EXOC6B: variants seen among roughly 807,000 people sequenced by gnomAD.
The protein encoded by EXOC6B is exocyst complex component 6B.
EXOC6B carries 54 observed loss-of-function variants against 113.5 expected under a neutral mutation model. The observed-to-expected ratio is 0.48, with a 90% CI of 0.38 to 0.60. The LOEUF (loss-of-function observed/expected upper bound fraction) is 0.60, where lower values mean the gene tolerates loss of function less well. Ranked by LOEUF, EXOC6B falls within the 20% of genes least tolerant of loss-of-function variation. The pLI is 0.00. For synonymous variants in EXOC6B, 357 were observed against 339.0 expected (o/e 1.05, Z -0.58); for missense variants, 797 against 977.5 (o/e 0.82, Z 2.46).
chr2:72,791,533 T>C (rs1441552788), intron 1 of EXOC6B, among the ~76,000 whole-genome samples: 1 of 152,052 alleles, frequency 6.6e-6, no homozygotes, highest in African/African-American at 2.4e-5. Context: ...AGCAACAGAG[T>C]GAGACCCTGT....
At chr2:72,420,849 A>G (rs7420583) in intron 18 of EXOC6B, among the ~76,000 whole-genome samples, 32,128 of 152,084 alleles carry the variant, frequency 0.21, 6,430 homozygotes, top group African/African-American at 0.53. Context: ...TTACACTCCC[A>G]CCAACAACGT....
intron 18 of EXOC6B, among the ~76,000 whole-genome samples, chr2:72,445,286 T>C (rs1228646395): frequency 6.6e-6 from 1 of 152,214 alleles, no homozygotes; most frequent in Admixed American, 6.5e-5. Flanking sequence ...TCCATATTGC[T>C]ATCAGGCTTT....
At chr2:72,604,477 T>C (rs927088304) in intron 6 of EXOC6B, among the ~76,000 whole-genome samples, 1 of 152,250 alleles carries the variant, frequency 6.6e-6, no homozygotes, top group Non-Finnish European at 1.5e-5. Flanking sequence ...ATCTGGATTA[T>C]TTTATTTAAA....
At chr2:72,246,268 G>C (rs1257339760) in intron 20 of EXOC6B, among the ~76,000 whole-genome samples, 3 of 152,034 alleles carry the variant, frequency 2.0e-5, no homozygotes, top group South Asian at 2.1e-4. Flanking sequence ...GATAAAGCTA[G>C]GTCCCTATAA....
At chr2:72,414,971 A>G (rs1016451758) in intron 18 of EXOC6B, among the ~76,000 whole-genome samples, 2 of 152,140 alleles carry the variant, frequency 1.3e-5, no homozygotes, top group African/African-American at 4.8e-5. Context: ...GTCTCAAACT[A>G]ACTTAAGACT....
chr2:72,397,097 A>C (rs1692778563), intron 18 of EXOC6B, among the ~76,000 whole-genome samples: 1 of 152,162 alleles, frequency 6.6e-6, no homozygotes, highest in Non-Finnish European at 1.5e-5. Flanking sequence ...GCCTGTTGTC[A>C]GATAGGAAAG....
At chr2:72,211,939 G>T (rs1680220927) in intron 20 of EXOC6B, among the ~76,000 whole-genome samples, 1 of 151,838 alleles carries the variant, frequency 6.6e-6, no homozygotes, top group African/African-American at 2.4e-5. Flanking sequence ...AAACCACATA[G>T]CTCTCCCAAA....
chr2:72,348,276 TC>T (rs1194129599), intron 19 of EXOC6B, among the ~76,000 whole-genome samples: 1 of 152,142 alleles, frequency 6.6e-6, no homozygotes, highest in Non-Finnish European at 1.5e-5. Context: ...CTAATATAGT[TC>T]CCTTGAAGTT....
At chr2:72,801,063 G>A (rs1037131405) in intron 1 of EXOC6B, among the ~76,000 whole-genome samples, 21 of 152,226 alleles carry the variant, frequency 1.4e-4, no homozygotes, top group Admixed American at 1.3e-3. Flanking sequence ...ATACGTATTT[G>A]GGCTTGGTAG....
chr2:72,708,534 AG>A (rs1679040992), intron 6 of EXOC6B, among the ~76,000 whole-genome samples: 1 of 152,210 alleles, frequency 6.6e-6, no homozygotes, highest in Non-Finnish European at 1.5e-5. Context: ...AAAACAATGG[AG>A]GTGGAGAACA....
At chr2:72,406,277 A>T (rs1403848221) in intron 18 of EXOC6B, among the ~76,000 whole-genome samples, 2 of 152,132 alleles carry the variant, frequency 1.3e-5, no homozygotes, top group African/African-American at 4.8e-5. Flanking sequence ...CCCCACTGTC[A>T]ACATTAGACA....
intron 17 of EXOC6B, among the ~76,000 whole-genome samples, chr2:72,465,574 A>C (rs1381436202): frequency 1.3e-5 from 2 of 152,232 alleles, no homozygotes; most frequent in Non-Finnish European, 2.9e-5. Flanking sequence ...GAATGCCCAG[A>C]TCATATAAGT....
chr2:72,570,812 G>A (rs952354273), intron 7 of EXOC6B, among the ~76,000 whole-genome samples: 4 of 152,088 alleles, frequency 2.6e-5, no homozygotes, highest in Admixed American at 6.6e-5. Flanking sequence ...TATAGTAGAT[G>A]ATGTTCATCA....
At chr2:72,325,611 G>A (rs954267801) in intron 20 of EXOC6B, among the ~76,000 whole-genome samples, 7 of 151,746 alleles carry the variant, frequency 4.6e-5, no homozygotes, top group Admixed American at 4.6e-4. Flanking sequence ...CATGGCCCAC[G>A]GTGCCTCTCA....
chr2:72,804,318 G>A (rs1685459821), intron 1 of EXOC6B, among the ~76,000 whole-genome samples: 2 of 152,170 alleles, frequency 1.3e-5, no homozygotes, highest in Admixed American at 6.5e-5. Context: ...TTATGCCTCA[G>A]AGAACAAGAT....
chr2:72,648,134 C>T (rs893448984), intron 6 of EXOC6B, among the ~76,000 whole-genome samples: 11 of 152,328 alleles, frequency 7.2e-5, no homozygotes, highest in African/African-American at 2.4e-4. Context: ...TGAACAGCCA[C>T]TTCTCAGAAG....
At chr2:72,685,903 C>A (rs930913760) in intron 6 of EXOC6B, among the ~76,000 whole-genome samples, 3 of 152,154 alleles carry the variant, frequency 2.0e-5, no homozygotes, top group Non-Finnish European at 2.9e-5. Context: ...AGAAGGAGAA[C>A]AGAATAAATG....
intron 20 of EXOC6B, among the ~76,000 whole-genome samples, chr2:72,326,446 A>G (rs931064899): frequency 6.6e-6 from 1 of 152,100 alleles, no homozygotes; most frequent in Admixed American, 6.5e-5. Flanking sequence ...TAGGTCCCCT[A>G]TGATACAGCG....
At chr2:72,193,663 C>T (rs1678989344) in intron 20 of EXOC6B, among the ~76,000 whole-genome samples, 1 of 152,162 alleles carries the variant, frequency 6.6e-6, no homozygotes, top group Non-Finnish European at 1.5e-5. Context: ...AAAAGAAGGG[C>T]ATCTAAGCCT....
Sources: gnomAD v4.1 joint callset for allele counts (sites outside exome capture counted in the v4.1 genomes callset) on GRCh38, gnomAD v4.1.1 for gene constraint, MANE v1.5 for transcripts, NCBI Gene and HGNC (gene_info 2026-07-23, HGNC 2026-07-21) for gene names.